ADAMTS13: variants seen among roughly 807,000 people sequenced by gnomAD.
ADAMTS13 encodes the protein ADAM metallopeptidase with thrombospondin type 1 motif 13, also known as A disintegrin and metalloproteinase with thrombospondin motifs 13.
In ADAMTS13, 110 loss-of-function variants were observed where a neutral mutation model predicts 155.1. The ratio of observed to expected loss-of-function variants is 0.71; its 90% CI spans 0.61 to 0.83. The LOEUF (loss-of-function observed/expected upper bound fraction) is 0.83. Among genes scored for constraint, ADAMTS13 ranks in the 40% least tolerant of loss-of-function variants. The pLI is 0.00. For synonymous variants in ADAMTS13, 758 were observed against 756.4 expected (o/e 1.00, Z -0.03); for missense variants, 1,707 against 1,891.7 (o/e 0.90, Z 1.81).
chr9:133,440,596 C>T lies in ADAMTS13; in HGVS notation c.1968+71C>T. ...GGGCTATGGCTGCTTGCTCGTTTGTCTATCCATCCATTCCCTGATTCGTTC... is the reference window on the plus strand; with the variant it reads ...GGGCTATGGCTGCTTGCTCGTTTGTTTATCCATCCATTCCCTGATTCGTTC... On this transcript the variant is annotated intron_variant, in intron 16 of 28. Coordinates refer to ENST00000355699, the MANE Select transcript of ADAMTS13 (RefSeq NM_139027.6). The surrounding 1 kb of genome is among the most constrained non-coding windows in gnomAD (Gnocchi z 4.3). The T allele has an allele frequency of 6.8e-7, 1 of 1,460,128 alleles. No homozygotes were observed. Among genetic ancestry groups the T allele is most frequent in the Non-Finnish European group, 9.2e-7 (1 of 1,091,142 alleles). 90.4% of individuals were successfully genotyped at this position (1,460,128 alleles called of 1,614,324 possible).
chr9:133,442,289 G>A (rs373484082), intron 16 of ADAMTS13, 110 bp from the exon 17 acceptor site: 27 of 1,558,746 alleles, frequency 1.7e-5, no homozygotes, highest in Admixed American at 1.2e-4. Context: ...CTTGCTGAAC[G>A]AAAGATTATA....
At position 133,456,451 on chromosome 9, in the gene ADAMTS13, G is replaced by A; in HGVS notation, c.3548-92G>A. The A allele has an allele frequency of 2.7e-6, 4 of 1,507,260 alleles. No individual in the cohort carries two copies. Among genetic ancestry groups the A allele is most frequent in the Non-Finnish European group, 3.6e-6 (4 of 1,105,736 alleles). The allele number at this position is 1,507,260 out of a possible 1,614,324, so 93.4% of individuals were successfully genotyped here. On this transcript the variant is annotated intron_variant, in intron 26 of 28. Coordinates refer to ENST00000355699, the MANE Select transcript of ADAMTS13 (RefSeq NM_139027.6). This position sits in a 1 kb window ranked among gnomAD's most constrained non-coding sequence, Gnocchi z 4.4. The stretch of plus-strand genomic sequence containing the variant: ...TCACATAGCCAGCAGTGGGAGAGGT[G>A]GGACTTGAACTCGGCTCAGTCTACC...
At chr9:133,430,590 G>A (rs1554787038) in intron 8 of ADAMTS13, among the ~76,000 whole-genome samples, 1 of 152,128 alleles carries the variant, frequency 6.6e-6, no homozygotes, top group Non-Finnish European at 1.5e-5. Flanking sequence ...CTTTTGCCTT[G>A]ATGGGCCCCT....
At chr9:133,419,255 A>G (rs1588146105), upstream of ADAMTS13, among the ~76,000 whole-genome samples, 1 of 152,184 alleles carries the variant, frequency 6.6e-6, no homozygotes, top group East Asian at 1.9e-4. Context: ...TATCATCTCA[A>G]TAAATGTCTG....
chr9:133,448,509 C>T (rs1442821234), intron 21 of ADAMTS13, 90 bp from the exon 22 acceptor site: 3 of 1,569,824 alleles, frequency 1.9e-6, no homozygotes, highest in African/African-American at 2.7e-5. Context: ...CCATGCGGGC[C>T]TTATGTGCTA....
In ADAMTS13 at chr9:133,445,575, G is replaced by A. The variant is rs1842003227; in HGVS notation, c.2611-124G>A. On this transcript the variant is annotated intron_variant, in intron 20 of 28. Coordinates refer to ENST00000355699, the MANE Select transcript of ADAMTS13 (RefSeq NM_139027.6). The surrounding 1 kb of genome is among the most constrained non-coding windows in gnomAD (Gnocchi z 5.0). ...CCGATCTCGCCAAGGGAGGAGGGGAGGGAGCCCCTGGTGCACACACGCCAC... is the reference window on the plus strand; with the variant it reads ...CCGATCTCGCCAAGGGAGGAGGGGAAGGAGCCCCTGGTGCACACACGCCAC... The A allele has an allele frequency of 6.8e-7, 1 of 1,481,348 alleles. No individual in the cohort carries two copies. The highest frequency in any genetic ancestry group is 9.3e-7 in the Non-Finnish European group (1 of 1,073,926). The allele number at this position is 1,481,348 out of a possible 1,614,324, so 91.8% of individuals were successfully genotyped here. A position where few individuals can be genotyped will look rare whatever the true frequency, so the allele number is the denominator to read the frequency against.
Position 133,422,458 on chromosome 9 carries a change from C to T in ADAMTS13, c.15C>T (p.His5=), listed in dbSNP as rs77985067. The T allele has an allele frequency of 1.9e-5, 30 of 1,613,782 alleles. No individual in the cohort carries two copies. In the Middle Eastern group the frequency reaches 5.0e-4, roughly 27 times the overall value. The part of the protein sequence containing the change: MHQR[H]PRARCPPLCV... ...CTCTCCTGAGGATGCACCAGCGTCA[C>T]CCCCGGGCAAGATGCCCTCCCCTCT... Residue 5 remains histidine, a synonymous_variant, in exon 1 of 29, where the codon CAC becomes CAT. Transcript: ENST00000355699.
chr9:133,437,288 G>A (rs1841309158), intron 12 of ADAMTS13, among the ~76,000 whole-genome samples: 1 of 152,146 alleles, frequency 6.6e-6, no homozygotes, highest in Non-Finnish European at 1.5e-5. Context: ...ACAGAGTCTT[G>A]CTCTGTCGCC....
chr9:133,437,722 A>T, intron 12 of ADAMTS13, 27 bp from the exon 13 acceptor site: 1 of 1,613,402 alleles, frequency 6.2e-7, no homozygotes, highest in African/African-American at 1.3e-5. Flanking sequence ...TCGGTTCAGG[A>T]CACCCTTTTT....
intron 11 of ADAMTS13, 35 bp from the exon 12 acceptor site, chr9:133,436,786 CCCGCCCCA>C: frequency 1.8e-6 from 1 of 541,470 alleles, no homozygotes; most frequent in Non-Finnish European, 3.4e-6. Context: ...ACACCCGCCC[CCCGCCCCA>C]CCGCCATCCC....
intron 11 of ADAMTS13, among the ~76,000 whole-genome samples, chr9:133,436,277 CCTT>C (rs1309347415): frequency 6.6e-6 from 1 of 151,608 alleles, no homozygotes; most frequent in Non-Finnish European, 1.5e-5. Flanking sequence ...TCCCTTTCCT[CCTT>C]CTCCAAATGG....
rs782608423 is a variant in ADAMTS13, at chr9:133,414,568, GGAGAGACTGCGGT to G, written n.215_227del. 6 of 1,030,786 alleles carry G rather than the reference GGAGAGACTGCGGT, an allele frequency of 5.8e-6. No individual in the cohort carries two copies. In the South Asian group the frequency reaches 6.3e-5, roughly 11 times the overall value. 63.9% of individuals were successfully genotyped at this position (1,030,786 alleles called of 1,614,324 possible). A position where few individuals can be genotyped will look rare whatever the true frequency, so the allele number is the denominator to read the frequency against. The stretch of plus-strand genomic sequence containing the variant: ...ACAGACGACATCAGGGTAAAGTGAT[GGAGAGACTGCGGT>G]GAGGCCACCAGCCTCCATAAGGAGA... On this transcript the variant is annotated non_coding_transcript_exon_variant, in exon 1 of 18. Coordinates refer to the ADAMTS13 transcript ENST00000485925.
chr9:133,430,625 A>G (rs949217946), intron 8 of ADAMTS13, among the ~76,000 whole-genome samples: 7 of 151,904 alleles, frequency 4.6e-5, no homozygotes, highest in African/African-American at 1.7e-4. Context: ...ATTGAGAATT[A>G]TGTTTTAATA....
At chr9:133,450,784 G>C (rs36222277) in intron 23 of ADAMTS13, among the ~76,000 whole-genome samples, 5 of 152,130 alleles carry the variant, frequency 3.3e-5, no homozygotes, top group African/African-American at 4.8e-5. Context: ...AAGACGGGGT[G>C]GGGGGCTCAG....
At position 133,445,138 on chromosome 9, in the gene ADAMTS13, T is replaced by C; in HGVS notation, c.2610+86T>C. The C allele has an allele frequency of 6.9e-7, 1 of 1,441,652 alleles. No homozygotes were observed. The highest frequency in any genetic ancestry group is 2.5e-5 in the East Asian group (1 of 40,756). The allele number at this position is 1,441,652 out of a possible 1,614,324, so 89.3% of individuals were successfully genotyped here. A position where few individuals can be genotyped will look rare whatever the true frequency, so the allele number is the denominator to read the frequency against. On this transcript the variant is annotated intron_variant, in intron 20 of 28. Transcript: ENST00000355699. The surrounding 1 kb of genome is among the most constrained non-coding windows in gnomAD (Gnocchi z 5.0). Reference sequence around the variant, plus strand: ...CGAGGAGCACCCATTGCCACCGTCCTCCAGGCCAGAGCAAGAACACCATCC... The same window carrying C: ...CGAGGAGCACCCATTGCCACCGTCCCCCAGGCCAGAGCAAGAACACCATCC...
chr9:133,445,965 T>A lies in ADAMTS13; in HGVS notation c.2731+146T>A. 1 of 1,204,542 alleles carries A rather than the reference T, an allele frequency of 8.3e-7. No individual in the cohort carries two copies. The highest frequency in any genetic ancestry group is 1.1e-6 in the Non-Finnish European group (1 of 896,932). The allele number at this position is 1,204,542 out of a possible 1,614,324, so 74.6% of individuals were successfully genotyped here. A position where few individuals can be genotyped will look rare whatever the true frequency, so the allele number is the denominator to read the frequency against. ...AACACGTGGTAATACACAAGGAGAC[T>A]AAGCATAGTAGCTGACAGCCACTTC... On this transcript the variant is annotated intron_variant, in intron 21 of 28. Transcript: ENST00000355699. This position sits in a 1 kb window ranked among gnomAD's most constrained non-coding sequence, Gnocchi z 5.0.
At chr9:133,426,398 A>G in intron 6 of ADAMTS13, 53 bp downstream of exon 6, 1 of 1,596,688 alleles carries the variant, frequency 6.3e-7, no homozygotes, top group Non-Finnish European at 8.5e-7. Flanking sequence ...TGACCTGGGT[A>G]CCCAGGGTGG....
At chr9:133,421,488 T>C (rs1554783108), upstream of ADAMTS13, among the ~76,000 whole-genome samples, 1 of 152,214 alleles carries the variant, frequency 6.6e-6, no homozygotes, top group Non-Finnish European at 1.5e-5. Flanking sequence ...ACAACATGTG[T>C]CTGTCTAGCA....
At chr9:133,433,762 C>T (rs1840969586) in intron 11 of ADAMTS13, 58 bp downstream of exon 11, 2 of 1,583,050 alleles carry the variant, frequency 1.3e-6, no homozygotes, top group Admixed American at 3.3e-5. Context: ...CCTGGGGGAG[C>T]CAAAGTGACC....
Sources: gnomAD v4.1 joint callset for allele counts (sites outside exome capture counted in the v4.1 genomes callset) on GRCh38, gnomAD v4.1.1 for gene constraint, Gnocchi (gnomAD v3.1) non-coding constraint, MANE v1.5 for transcripts, NCBI Gene and HGNC (gene_info 2026-07-23, HGNC 2026-07-21) for gene names.